The following HMCN1 variants were observed in gnomAD, a reference collection of about 807,000 sequenced individuals.
HMCN1 encodes the protein hemicentin 1.
In HMCN1, 321 loss-of-function variants were observed where a neutral mutation model predicts 625.9. The observed-to-expected ratio is 0.51, with a 90% CI of 0.47 to 0.56. The LOEUF is 0.56. Among genes scored for constraint, HMCN1 ranks in the 20% least tolerant of loss-of-function variants. The probability of loss-of-function intolerance (pLI) is 0.00; values close to 1 mark genes in which losing one functional copy is unlikely to be tolerated. For missense variants in HMCN1, 6,588 were observed against 6,887.3 expected (o/e 0.96, Z 1.54); for synonymous variants, 2,425 against 2,417.6 (o/e 1.00, Z -0.09).
intron 4 of HMCN1, among the ~76,000 whole-genome samples, chr1:185,893,597 C>A (rs894117163): frequency 6.6e-6 from 1 of 152,088 alleles, no homozygotes; most frequent in Non-Finnish European, 1.5e-5. Context: ...TTTGCTACCA[C>A]GGAAACGTTT....
intron 1 of HMCN1, among the ~76,000 whole-genome samples, chr1:185,740,133 G>A (rs1034424632): frequency 1.3e-5 from 2 of 152,174 alleles, no homozygotes; most frequent in Admixed American, 6.5e-5. Flanking sequence ...AGGGCTCGTA[G>A]TCCATTATGA....
chr1:186,119,286 C>T lies in HMCN1; in HGVS notation c.11944C>T (p.Leu3982Phe), dbSNP rs559290963. 6 of 1,612,946 alleles carry T rather than the reference C, an allele frequency of 3.7e-6. No homozygotes were observed. In the East Asian group the frequency reaches 1.3e-4, roughly 36 times the overall value. ...AAGSAHRHVT[L>F]HVHEPPVIQP... ...TGGCTCTGCACATCGACACGTGACC[C>T]TTCATGTTCATGGTATGGAAGGCTA... is the stretch of plus-strand genomic sequence containing the variant. Residue 3982 changes from leucine to phenylalanine, a missense_variant, in exon 78 of 107, where the codon CTT becomes TTT. This residue lies in a region of HMCN1 where 4,628 missense variants were observed against 4,853.1 expected (regional missense o/e 0.95). Transcript: ENST00000271588.
chr1:185,738,031 A>G (rs1463195802), intron 1 of HMCN1, among the ~76,000 whole-genome samples: 1 of 152,198 alleles, frequency 6.6e-6, no homozygotes, highest in Admixed American at 6.5e-5. Context: ...GGTACCAGAG[A>G]TGAACGGGGG....
intron 97 of HMCN1, among the ~76,000 whole-genome samples, chr1:186,162,438 G>T (rs1032094657): frequency 6.6e-6 from 1 of 151,894 alleles, no homozygotes; most frequent in Non-Finnish European, 1.5e-5. Flanking sequence ...TCTCTGTCCA[G>T]CTTTATTCCA....
Position 185,786,864 on chromosome 1 carries a change from G to A in HMCN1, c.268+51817G>A, listed in dbSNP as rs551768547. 9.9e-5 allele frequency among the ~76,000 whole-genome samples: 15 copies of A among 152,234 alleles called. No homozygotes were observed. In the East Asian group the frequency reaches 2.5e-3, roughly 25 times the overall value. The stretch of plus-strand genomic sequence containing the variant: ...ATCGTATACTATGTGTCACCCCAAT[G>A]CTACGTTTGCCAACATTTCATAGGG... On this transcript the variant is annotated intron_variant, in intron 1 of 106. Transcript: ENST00000271588.
chr1:186,026,770 G>T (rs1419086865), intron 36 of HMCN1, among the ~76,000 whole-genome samples: 1 of 151,926 alleles, frequency 6.6e-6, no homozygotes, highest in Non-Finnish European at 1.5e-5. Context: ...TAGTAGGGAG[G>T]ACCACAAGCA....
chr1:186,123,097 C>G lies in HMCN1; in HGVS notation c.12376C>G (p.Arg4126Gly). Residue 4126 changes from arginine to glycine, a missense_variant, in exon 81 of 107, where the codon CGC becomes GGC. Physicochemically the swap from Arg to Gly is moderately radical, Grantham distance 125. Coordinates refer to ENST00000271588, the MANE Select transcript of HMCN1 (RefSeq NM_031935.3). ...GRAIVESIRQ[R>G]VLSSGSLQIA... ...TGCAATTGTGGAATCTATCCGCCAG[C>G]GCGTCCTCAGCTCTGGCTCTCTGCA... 2 of 1,614,128 alleles carry G rather than the reference C, an allele frequency of 1.2e-6. No individual in the cohort carries two copies. Among genetic ancestry groups the G allele is most frequent in the African/African-American group, 2.7e-5 (2 of 75,044 alleles).
chr1:185,956,031 T>A (rs930964005), intron 11 of HMCN1, among the ~76,000 whole-genome samples: 2 of 152,300 alleles, frequency 1.3e-5, no homozygotes, highest in Admixed American at 6.5e-5. Context: ...CCTCTAGAAC[T>A]TATTTTTGCC....
rs1649635875 is a variant in HMCN1, at chr1:186,136,802, G to C, written c.13447G>C (p.Asp4483His). 30 of 1,614,010 alleles carry C rather than the reference G, an allele frequency of 1.9e-5. No individual in the cohort carries two copies. Among genetic ancestry groups the C allele is most frequent in the Non-Finnish European group, 2.5e-5 (30 of 1,179,966 alleles). ...CCGTCAAGGGCACTCTATTTCCTGGGATGACCGGGTTAACGTGTTGTCCAA... is the reference window on the plus strand; with the variant it reads ...CCGTCAAGGGCACTCTATTTCCTGGCATGACCGGGTTAACGTGTTGTCCAA... ...WSRQGHSISWDDRVNVLSNNS... is the reference protein window; with the variant it reads ...WSRQGHSISWHDRVNVLSNNS... The change falls in exon 87 of 107, where the codon GAT becomes CAT. Residue 4483 changes from aspartate (D) to histidine (H), a missense_variant. Physicochemically the swap from Asp to His is moderately conservative, Grantham distance 81. Around this residue, in one of 3 missense-constraint regions of HMCN1, gnomAD observed 1,954 missense variants for 2,013.1 expected, o/e 0.97. Coordinates refer to ENST00000271588, the MANE Select transcript of HMCN1 (RefSeq NM_031935.3).
At chr1:185,895,742 G>C (rs890693019) in intron 4 of HMCN1, among the ~76,000 whole-genome samples, 4 of 152,098 alleles carry the variant, frequency 2.6e-5, no homozygotes, top group Non-Finnish European at 5.9e-5. Context: ...GGTAGTGATG[G>C]AGTGCATGTT....
At chr1:185,842,099 T>C (rs1661510751) in intron 1 of HMCN1, among the ~76,000 whole-genome samples, 1 of 152,232 alleles carries the variant, frequency 6.6e-6, no homozygotes, top group South Asian at 2.1e-4. Flanking sequence ...CGCTACCTTT[T>C]CCACACTTTT....
intron 36 of HMCN1, among the ~76,000 whole-genome samples, chr1:186,025,589 A>C (rs568043805): frequency 1.3e-4 from 20 of 152,330 alleles, no homozygotes; most frequent in African/African-American, 4.6e-4. Context: ...GAGAGAAATC[A>C]AGTATCCCAT....
chr1:185,735,344 C>T (rs1653484739), intron 1 of HMCN1, among the ~76,000 whole-genome samples: 1 of 152,212 alleles, frequency 6.6e-6, no homozygotes, highest in African/African-American at 2.4e-5. Context: ...ATCAAAATCA[C>T]TTAACTCACT....
intron 4 of HMCN1, among the ~76,000 whole-genome samples, chr1:185,885,396 A>G (rs1664582729): frequency 6.6e-6 from 1 of 152,022 alleles, no homozygotes; most frequent in Non-Finnish European, 1.5e-5. Flanking sequence ...TGAGTGTTAT[A>G]GTTGAAGCAG....
chr1:185,786,639 T>TTG (rs1430187125), intron 1 of HMCN1, among the ~76,000 whole-genome samples: 1 of 152,242 alleles, frequency 6.6e-6, no homozygotes, highest in African/African-American at 2.4e-5. Flanking sequence ...TAAAAATGTA[T>TTG]TTAACCACAA....
chr1:185,891,922 A>T (rs1358035945), intron 4 of HMCN1, among the ~76,000 whole-genome samples: 2 of 148,674 alleles, frequency 1.3e-5, no homozygotes, highest in African/African-American at 5.2e-5. Context: ...ACTTGGTTCC[A>T]TTCTCCCCAT....
chr1:185,901,683 A>G (rs1571531451), intron 4 of HMCN1, among the ~76,000 whole-genome samples: 2 of 151,710 alleles, frequency 1.3e-5, no homozygotes, highest in Non-Finnish European at 3.0e-5. Context: ...CCAGAAGCCA[A>G]TGGGTTAGTC....
chr1:186,117,455 T>A lies in HMCN1; in HGVS notation c.11684-4T>A, dbSNP rs1380453285. The A allele has an allele frequency of 6.2e-7, 1 of 1,613,590 alleles. No individual in the cohort carries two copies. The highest frequency in any genetic ancestry group is 8.5e-7 in the Non-Finnish European group (1 of 1,179,678). ...TTCCCTTTTTGTTGTTGTTGTTGTT[T>A]TAGTTCCACCTTCCATAGCTGATGA... On this transcript the variant is annotated splice_polypyrimidine_tract_variant and splice_region_variant and intron_variant, in intron 76 of 106. Coordinates refer to ENST00000271588, the MANE Select transcript of HMCN1 (RefSeq NM_031935.3).
chr1:185,928,587 T>C lies in HMCN1; in HGVS notation c.1472T>C (p.Leu491Ser), dbSNP rs1272402538. Residue 491 changes from leucine (L) to serine (S), a missense_variant, in exon 10 of 107, where the codon TTG (leucine) becomes TCG (serine). Physicochemically the swap from Leu to Ser is moderately radical, Grantham distance 145. This residue lies in a region of HMCN1 where 4,628 missense variants were observed against 4,853.1 expected (regional missense o/e 0.95). Coordinates refer to ENST00000271588, the MANE Select transcript of HMCN1 (RefSeq NM_031935.3). The part of the protein sequence containing the change: ...SVNLDIAKVT[L>S]SDEGFYECIA... The stretch of plus-strand genomic sequence containing the variant: ...AACTTAGATATTGCAAAGGTCACTT[T>C]GTCTGACGAAGGTTTCTATGAATGC... 2 of 1,613,484 alleles carry C rather than the reference T, an allele frequency of 1.2e-6. No homozygotes were observed. Among genetic ancestry groups the C allele is most frequent in the Non-Finnish European group, 1.7e-6 (2 of 1,179,462 alleles).
Sources: allele counts gnomAD v4.1 joint callset (sites outside exome capture counted in the v4.1 genomes callset), GRCh38; gene constraint gnomAD v4.1.1; regional missense constraint gnomAD v4.1.1; transcripts MANE v1.5; gene names NCBI Gene and HGNC (gene_info 2026-07-23, HGNC 2026-07-21).